Variants in FBLN2 observed in about 807,000 individuals in gnomAD.
The protein encoded by FBLN2 is fibulin-2.
Under a neutral mutation model 123.7 loss-of-function variants are expected in FBLN2, and 81 were observed. The observed-to-expected ratio is 0.65, with a 90% CI of 0.55 to 0.79. The LOEUF is 0.79. FBLN2 is among the 30% of genes least tolerant of loss of function. The probability of loss-of-function intolerance (pLI) is 0.00; values close to 1 mark genes in which losing one functional copy is unlikely to be tolerated. For missense variants in FBLN2, 1,603 were observed against 1,681.3 expected (o/e 0.95, Z 0.81); for synonymous variants, 699 against 701.4 (o/e 1.00, Z 0.05).
At chr3:13,564,249 G>A (rs1013905322) in intron 1 of FBLN2, among the ~76,000 whole-genome samples, 4 of 152,058 alleles carry the variant, frequency 2.6e-5, no homozygotes, top group African/African-American at 9.7e-5. Flanking sequence ...CGGGCCAGGT[G>A]GTACTGATTA....
Position 13,571,233 on chromosome 3 carries a change from C to T in FBLN2, c.878C>T (p.Thr293Ile), listed in dbSNP as rs1703938035. Residue 293 changes from threonine to isoleucine, a missense_variant, in exon 2 of 18, where the codon ACT becomes ATT. Transcript: ENST00000404922. The stretch of plus-strand genomic sequence containing the variant: ...GAGGAGAGAGAGGAAATGGCTGTCA[C>T]TGAGCAGCTGGCAGCAGGTGGCCAC... ...EEEEREEMAV[T>I]EQLAAGGHRG... is the part of the protein sequence containing the mutation. 6.4e-7 allele frequency: 1 copy of T among 1,568,994 alleles called. No individual in the cohort carries two copies.
intron 6 of FBLN2, 109 bp from the exon 7 acceptor site, chr3:13,618,795 A>G: frequency 1.4e-6 from 1 of 719,334 alleles, no homozygotes; most frequent in Non-Finnish European, 2.4e-6. Context: ...GGGGTGGGGG[A>G]TTAAATGTCA....
intron 1 of FBLN2, among the ~76,000 whole-genome samples, chr3:13,561,780 C>A (rs540664084): frequency 1.3e-5 from 2 of 152,202 alleles, no homozygotes; most frequent in African/African-American, 2.4e-5. Flanking sequence ...CCAGCACCTG[C>A]AGTGGGCTGG....
chr3:13,612,300 TTTCTTTCTTTCTTTC>T (rs1273622087), intron 4 of FBLN2, among the ~76,000 whole-genome samples: 4 of 65,902 alleles, frequency 6.1e-5, no homozygotes, highest in Non-Finnish European at 1.2e-4. Context: ...TTTTCCTTTC[TTTCTTTCTTTCTTTC>T]TTTCTTTCTT....
At chr3:13,623,875 A>G (rs759466788) in intron 9 of FBLN2, among the ~76,000 whole-genome samples, 3 of 152,262 alleles carry the variant, frequency 2.0e-5, no homozygotes, top group Non-Finnish European at 4.4e-5. Context: ...CATCATTGTT[A>G]TGATTCAACC....
chr3:13,568,659 G>T, intron 1 of FBLN2: 2 of 491,036 alleles, frequency 4.1e-6, no homozygotes, highest in African/African-American at 2.9e-5. Context: ...CCTGCCTGAC[G>T]CCCTCCTCAG....
At chr3:13,602,323 T>C (rs73148677) in intron 2 of FBLN2, among the ~76,000 whole-genome samples, 2,054 of 152,340 alleles carry the variant, frequency 0.013, 50 homozygotes, top group African/African-American at 0.047. Flanking sequence ...GTTTTAATTA[T>C]TAGAACTTTG....
In FBLN2 at chr3:13,607,315, G is replaced by GAA. The variant is rs11425999; in HGVS notation, c.1307-739_1307-738dup. On this transcript the variant is annotated intron_variant, in intron 2 of 17. Coordinates refer to ENST00000404922, the MANE Select transcript of FBLN2 (RefSeq NM_001004019.2). ...TTCTGTATTCTTAAAGTAAGCTTGA[G>GAA]AAAAAAAAATGTTATTAAGAAAATC... 1.4e-3 allele frequency among the ~76,000 whole-genome samples: 219 copies of GAA among 151,364 alleles called. 1 individual carries two copies. Among genetic ancestry groups the GAA allele is most frequent in the African/African-American group, 4.4e-3 (182 of 41,238 alleles).
At chr3:13,576,293 C>T (rs899382911) in intron 2 of FBLN2, among the ~76,000 whole-genome samples, 1 of 152,210 alleles carries the variant, frequency 6.6e-6, no homozygotes, top group African/African-American at 2.4e-5. Flanking sequence ...CTCATGCCCC[C>T]TCCTTCAGGA....
chr3:13,603,160 C>T (rs1705092015), intron 2 of FBLN2, among the ~76,000 whole-genome samples: 1 of 152,100 alleles, frequency 6.6e-6, no homozygotes, highest in East Asian at 1.9e-4. Flanking sequence ...ATCCGCATTC[C>T]TCAGCCTCTC....
chr3:13,609,702 TG>T, intron 4 of FBLN2, 60 bp downstream of exon 4: 1 of 1,530,256 alleles, frequency 6.5e-7, no homozygotes, highest in Non-Finnish European at 8.8e-7. Flanking sequence ...GAGGCTGGCC[TG>T]GGCCTGAAGG....
intron 2 of FBLN2, among the ~76,000 whole-genome samples, chr3:13,577,741 C>T (rs1045041609): frequency 2.6e-5 from 4 of 152,074 alleles, no homozygotes; most frequent in Admixed American, 2.0e-4. Flanking sequence ...CACAGAGCTC[C>T]GTGGCTGGAC....
intron 2 of FBLN2, among the ~76,000 whole-genome samples, chr3:13,582,119 CT>C (rs1462791325): frequency 6.6e-6 from 1 of 152,182 alleles, no homozygotes; most frequent in Non-Finnish European, 1.5e-5. Flanking sequence ...CAGGGGAGGC[CT>C]GCCACAGAGC....
intron 4 of FBLN2, among the ~76,000 whole-genome samples, chr3:13,612,307 CTTTCTTTCTTTCT>C: frequency 1.3e-5 from 1 of 76,222 alleles, no homozygotes; most frequent in East Asian, 3.9e-4. Context: ...TTCTTTCTTT[CTTTCTTTCTTTCT>C]TTCTTTCTTT....
At position 13,638,109 on chromosome 3, in the gene FBLN2, C is replaced by T; in HGVS notation, c.*190C>T. 4 of 670,238 alleles carry T rather than the reference C, an allele frequency of 6.0e-6. No individual in the cohort carries two copies. Among genetic ancestry groups the T allele is most frequent in the Middle Eastern group, 2.4e-4 (1 of 4,136 alleles). 41.5% of individuals were successfully genotyped at this position (670,238 alleles called of 1,614,324 possible). On this transcript the variant is annotated 3_prime_UTR_variant, in exon 18 of 18. Transcript: ENST00000404922. ...AGTTCCACGGCAGGTGGTGCGTTCCCACGCAGGCACCAAGTGGAAGCTTGC... is the reference window on the plus strand; with the variant it reads ...AGTTCCACGGCAGGTGGTGCGTTCCTACGCAGGCACCAAGTGGAAGCTTGC...
At chr3:13,586,774 G>T (rs1333392887) in intron 2 of FBLN2, among the ~76,000 whole-genome samples, 4 of 149,996 alleles carry the variant, frequency 2.7e-5, no homozygotes, top group African/African-American at 9.8e-5. Flanking sequence ...CTCCCAAAGT[G>T]CTGGGATTAT....
chr3:13,549,203 C>T lies in FBLN2; in HGVS notation c.-47C>T, dbSNP rs1460964526. The T allele has an allele frequency of 1.0e-5, 10 of 983,560 alleles. No individual in the cohort carries two copies. Among genetic ancestry groups the T allele is most frequent in the East Asian group, 1.1e-4 (1 of 8,738 alleles). 60.9% of individuals were successfully genotyped at this position (983,560 alleles called of 1,614,324 possible). A position where few individuals can be genotyped will look rare whatever the true frequency, so the allele number is the denominator to read the frequency against. ...GACGGACGGACGCCGAGCGCAGTGC[C>T]CCGCGGTGAGTGCACGCGGCCCCTC... On this transcript the variant is annotated 5_prime_UTR_variant, in exon 1 of 18. Coordinates refer to ENST00000404922, the MANE Select transcript of FBLN2 (RefSeq NM_001004019.2).
intron 4 of FBLN2, among the ~76,000 whole-genome samples, chr3:13,609,953 A>C (rs1705335342): frequency 6.6e-6 from 1 of 152,224 alleles, no homozygotes; most frequent in Admixed American, 6.5e-5. Context: ...AGGAAGACAG[A>C]GGAAGATCAC....
rs577627040 is a variant in FBLN2 at position 13,630,041 on chromosome 3, T to A, written c.2968+96T>A. On this transcript the variant is annotated intron_variant, in intron 14 of 17. Coordinates refer to ENST00000404922, the MANE Select transcript of FBLN2 (RefSeq NM_001004019.2). Reference sequence around the variant, plus strand: ...CAGAGCCTTCTGTGACCCTTCACCCTTACACCTTCACCCTCACACCTTCAC... The same window carrying A: ...CAGAGCCTTCTGTGACCCTTCACCCATACACCTTCACCCTCACACCTTCAC... 13 of 1,521,836 alleles carry A rather than the reference T, an allele frequency of 8.5e-6. No individual in the cohort carries two copies. The East Asian group carries it at 2.4e-4, about 28-fold the overall frequency. 94.3% of individuals were successfully genotyped at this position (1,521,836 alleles called of 1,614,324 possible).
Sources: gnomAD v4.1 joint callset for allele counts (sites outside exome capture counted in the v4.1 genomes callset) on GRCh38, gnomAD v4.1.1 for gene constraint, MANE v1.5 for transcripts, NCBI Gene and HGNC (gene_info 2026-07-23, HGNC 2026-07-21) for gene names.